PEX10: variants seen among roughly 807,000 people sequenced by gnomAD.
The protein encoded by PEX10 is peroxisomal biogenesis factor 10.
In PEX10, 32 loss-of-function variants were observed where a neutral mutation model predicts 38.0. The observed-to-expected ratio is 0.84, with a 90% CI of 0.63 to 1.13. The LOEUF is 1.13. Among genes scored for constraint, PEX10 ranks in the 50% most tolerant of loss-of-function variants. The pLI is 0.00. For synonymous variants in PEX10, 206 were observed against 207.3 expected, an observed-to-expected ratio of 0.99 and a Z score of 0.05; for missense variants, 483 against 457.7, an observed-to-expected ratio of 1.06 and a Z score of -0.51.
At chr1:2,413,136 C>T (rs962201834), upstream of PEX10, among the ~76,000 whole-genome samples, 4 of 152,194 alleles carry the variant, frequency 2.6e-5, no homozygotes, top group East Asian at 1.9e-4. Flanking sequence ...ACCTTCCAGG[C>T]CCCGAGCAGC....
At chr1:2,407,066 C>A in intron 3 of PEX10, 171 bp from the exon 4 acceptor site, 1 of 866,200 alleles carries the variant, frequency 1.2e-6, no homozygotes, top group South Asian at 1.4e-5. Flanking sequence ...TTCAGGGAGT[C>A]TGAGGTGCCT....
Position 2,405,749 on chromosome 1 carries a change from C to A in PEX10, c.*17G>T, listed in dbSNP as rs774947164. The stretch of plus-strand genomic sequence containing the variant: ...CCCGTAGAGGTCATCTGTGTCCAGG[C>A]CCACCCGGGCGCCGGCTCAGCGGTA... On this transcript the variant is annotated 3_prime_UTR_variant, in exon 6 of 6. Transcript: ENST00000447513. 1 of 1,590,852 alleles carries A rather than the reference C, an allele frequency of 6.3e-7. No individual in the cohort carries two copies. The highest frequency in any genetic ancestry group is 2.3e-5 in the East Asian group (1 of 43,410).
At chr1:2,413,247 C>G (rs1241507833), upstream of PEX10, among the ~76,000 whole-genome samples, 1 of 152,178 alleles carries the variant, frequency 6.6e-6, no homozygotes, top group Non-Finnish European at 1.5e-5. Context: ...GGGGGGCAGC[C>G]GGGAAGCCGC....
At chr1:2,406,139 G>A (rs1260090130) in intron 5 of PEX10, among the ~76,000 whole-genome samples, 11 of 152,242 alleles carry the variant, frequency 7.2e-5, no homozygotes, top group African/African-American at 2.6e-4. Flanking sequence ...TCACCCTGCC[G>A]GCATCTTCGG....
Position 2,408,785 on chromosome 1 carries a change from CGAG to C in PEX10, c.264_266del (p.Ser89del). 1 of 1,614,022 alleles carries C rather than the reference CGAG, an allele frequency of 6.2e-7. No homozygotes were observed. Among genetic ancestry groups the C allele is most frequent in the Non-Finnish European group, 8.5e-7 (1 of 1,179,946 alleles). ...GTGTCACCAGCACGCCACGGCGCAG[CGAG>C]GAGGGCACATGTATCCGCGATGGGT... On this transcript the variant is annotated inframe_deletion, in exon 3 of 6. Transcript: ENST00000447513.
At chr1:2,413,046 C>T (rs1181288335), upstream of PEX10, among the ~76,000 whole-genome samples, 1 of 152,240 alleles carries the variant, frequency 6.6e-6, no homozygotes, top group Non-Finnish European at 1.5e-5. Flanking sequence ...CTTTGAGCTG[C>T]GCGGGCTCTC....
rs1458746161 is a variant in PEX10, at chr1:2,406,464, G to A, written c.912+20C>T. Reference sequence around the variant, plus strand: ...CACAGCCGCTGACCACCCCAGGACGGCAGCAGGCTCCCACCTCACCTTGCT... The same window carrying A: ...CACAGCCGCTGACCACCCCAGGACGACAGCAGGCTCCCACCTCACCTTGCT... On this transcript the variant is annotated intron_variant, in intron 5 of 5. Coordinates refer to ENST00000447513, the MANE Select transcript of PEX10 (RefSeq NM_002617.4). 3 of 1,609,164 alleles carry A rather than the reference G, an allele frequency of 1.9e-6. No homozygotes were observed. Among genetic ancestry groups the A allele is most frequent in the African/African-American group, 1.3e-5 (1 of 74,862 alleles).
In PEX10 at chr1:2,405,343, C is replaced by G; in HGVS notation, c.*423G>C. 1 of 338,338 alleles carries G rather than the reference C, an allele frequency of 3.0e-6. No homozygotes were observed. Among genetic ancestry groups the G allele is most frequent in the South Asian group, 2.4e-5 (1 of 42,254 alleles). The allele number at this position is 338,338 out of a possible 1,614,324, so 21.0% of individuals were successfully genotyped here. ...ACCCGCCAGCCTCCGTGCCCCACCC[C>G]ACCCAGCACGCACTCATTCAGTCCA... On this transcript the variant is annotated 3_prime_UTR_variant, in exon 6 of 6. Coordinates refer to ENST00000447513, the MANE Select transcript of PEX10 (RefSeq NM_002617.4).
At chr1:2,413,431 G>A (rs1295175257), upstream of PEX10, among the ~76,000 whole-genome samples, 1 of 152,252 alleles carries the variant, frequency 6.6e-6, no homozygotes, top group African/African-American at 2.4e-5. Flanking sequence ...ACACCTGGAG[G>A]GGACAGAACC....
chr1:2,410,319 G>T lies in PEX10; in HGVS notation c.193+52C>A, dbSNP rs927222256. 6.6e-7 allele frequency: 1 copy of T among 1,506,414 alleles called. No homozygotes were observed. The highest frequency in any genetic ancestry group is 1.4e-5 in the African/African-American group (1 of 72,852). 93.3% of individuals were successfully genotyped at this position (1,506,414 alleles called of 1,614,324 possible). On this transcript the variant is annotated intron_variant, in intron 2 of 5. Coordinates refer to ENST00000447513, the MANE Select transcript of PEX10 (RefSeq NM_002617.4). The surrounding 1 kb of genome is among the most constrained non-coding windows in gnomAD (Gnocchi z 5.1). The stretch of plus-strand genomic sequence containing the variant: ...GGCAGCCCCCTGGCCACCGTCCCCA[G>T]ACTTGGTGTGTGTGGCTGCCCTCAG...
At position 2,410,142 on chromosome 1, in the gene PEX10, A is replaced by G. The variant is rs1643139749; in HGVS notation, c.193+229T>C. ...TGGGTCTCAGTGGCACCCGGGGTAA[A>G]GTCTTAAACAAAGAACCCCAGGGAC... On this transcript the variant is annotated intron_variant, in intron 2 of 5. Transcript: ENST00000447513. This position sits in a 1 kb window ranked among gnomAD's most constrained non-coding sequence, Gnocchi z 5.1. The G allele has an allele frequency of 3.7e-6, 2 of 542,512 alleles. No homozygotes were observed. The highest frequency in any genetic ancestry group is 3.0e-5 in the Admixed American group (1 of 33,522). 33.6% of individuals were successfully genotyped at this position (542,512 alleles called of 1,614,324 possible). A position where few individuals can be genotyped will look rare whatever the true frequency, so the allele number is the denominator to read the frequency against.
At position 2,412,498 on chromosome 1, in the gene PEX10, G is replaced by A. The variant is rs1557914640; in HGVS notation, c.5C>T (p.Ala2Val). MAPAAASPPEVI... is the reference protein window; with the variant it reads MVPAAASPPEVI... ...CTCCGGGGGGCTGGCGGCGGCCGGG[G>A]CCATGGCCGCGGGTTCGGGTGGTCC... Residue 2 changes from alanine (A) to valine (V), a missense_variant, in exon 1 of 6, where the codon GCC becomes GTC. Physicochemically the swap from Ala to Val is moderately conservative, Grantham distance 64. Transcript: ENST00000447513. 1.2e-5 allele frequency: 16 copies of A among 1,364,232 alleles called. No homozygotes were observed. In the South Asian group the frequency reaches 2.7e-4, roughly 23 times the overall value. The allele number at this position is 1,364,232 out of a possible 1,614,324, so 84.5% of individuals were successfully genotyped here.
At position 2,412,439 on chromosome 1, in the gene PEX10, G is replaced by T; in HGVS notation, c.64C>A (p.Arg22Ser). The change falls in exon 1 of 6, where the codon CGC (arginine) becomes AGC (serine). Residue 22 changes from arginine (R) to serine (S), a missense_variant. Arg to Ser is a moderately radical substitution (Grantham distance 110, BLOSUM62 -1). Transcript: ENST00000447513. ...CCCGCCGCGCTCCGCAGCCCACCGC[G>T]GTAGTACTCGTCCTTCTGCGCCGCG... is the stretch of plus-strand genomic sequence containing the variant. ...IRAAQKDEYY[R>S]GGLRSAAGGA... 7.0e-7 allele frequency: 1 copy of T among 1,430,702 alleles called. No individual in the cohort carries two copies. The highest frequency in any genetic ancestry group is 9.1e-7 in the Non-Finnish European group (1 of 1,096,530). The allele number at this position is 1,430,702 out of a possible 1,614,324, so 88.6% of individuals were successfully genotyped here.
In PEX10 at chr1:2,409,539, TCA is replaced by T. The variant is rs1041011250; in HGVS notation, c.194-683_194-682del. On this transcript the variant is annotated intron_variant, in intron 2 of 5. Coordinates refer to ENST00000447513, the MANE Select transcript of PEX10 (RefSeq NM_002617.4). The surrounding 1 kb of genome is among the most constrained non-coding windows in gnomAD (Gnocchi z 6.2). ...ACCACCACCATCCTGTGGGGGACTG[TCA>T]CAGCCTCTGTAGTCTCCCTGAGCCC... 3.6e-5 allele frequency: 6 copies of T among 165,576 alleles called. No individual in the cohort carries two copies. The highest frequency in any genetic ancestry group is 3.4e-4 in the Admixed American group (6 of 17,890). 10.3% of individuals were successfully genotyped at this position (165,576 alleles called of 1,614,324 possible).
rs984954019 is a variant in PEX10, at chr1:2,409,495, G to A, written c.194-637C>T. On this transcript the variant is annotated intron_variant, in intron 2 of 5. Transcript: ENST00000447513. This position sits in a 1 kb window ranked among gnomAD's most constrained non-coding sequence, Gnocchi z 6.2. ...CCTTCCCTGTGTGTTCCACCCCCTC[G>A]CTGCCGCCCCTGCTCTGTACCACCA... Among the ~76,000 whole-genome samples the A allele has an allele frequency of 5.3e-5, 8 of 152,034 alleles. No homozygotes were observed. The highest frequency in any genetic ancestry group is 9.6e-5 in the African/African-American group (4 of 41,458).
In PEX10 at chr1:2,408,478, C is replaced by T. The variant is rs752730970; in HGVS notation, c.574G>A (p.Ala192Thr). The T allele has an allele frequency of 5.6e-6, 9 of 1,612,996 alleles. No individual in the cohort carries two copies. Among genetic ancestry groups the T allele is most frequent in the Non-Finnish European group, 7.6e-6 (9 of 1,179,994 alleles). Residue 192 changes from alanine (A) to threonine (T), a missense_variant, in exon 3 of 6, where the codon GCC (alanine) becomes ACC (threonine). Transcript: ENST00000447513. ...FYIHGVFYHL[A>T]KRLTGITYLR... The stretch of plus-strand genomic sequence containing the variant: ...TACGTGATCCCCGTGAGCCTCTTGG[C>T]CAGGTGGTAGAAGACACCGTGGATG...
intron 3 of PEX10, among the ~76,000 whole-genome samples, chr1:2,407,621 A>G (rs886313382): frequency 1.3e-5 from 2 of 152,188 alleles, no homozygotes; most frequent in Admixed American, 1.3e-4. Flanking sequence ...CGGGGCAAGA[A>G]ACCACATCAA....
chr1:2,406,041 C>G (rs1041670835), intron 5 of PEX10, among the ~76,000 whole-genome samples: 1 of 152,176 alleles, frequency 6.6e-6, no homozygotes, highest in Non-Finnish European at 1.5e-5. Context: ...GCGTAGGGCT[C>G]AGGGTGTGGG....
At position 2,404,587 on chromosome 1, in the gene PEX10, C is replaced by G. The variant is rs946606377; in HGVS notation, c.*1179G>C. 2.0e-5 allele frequency: 3 copies of G among 152,290 alleles called. No individual in the cohort carries two copies. Among genetic ancestry groups the G allele is most frequent in the African/African-American group, 7.2e-5 (3 of 41,456 alleles). 9.4% of individuals were successfully genotyped at this position (152,290 alleles called of 1,614,324 possible). On this transcript the variant is annotated 3_prime_UTR_variant, in exon 6 of 6. Coordinates refer to ENST00000447513, the MANE Select transcript of PEX10 (RefSeq NM_002617.4). ...AGTCTAGAGGGTCACGGCCCCCCCG[C>G]CCTCCTCCGTCTCTGGCAAGCTGAC...
Sources: allele counts gnomAD v4.1 joint callset (sites outside exome capture counted in the v4.1 genomes callset), GRCh38; gene constraint gnomAD v4.1.1; non-coding constraint Gnocchi (gnomAD v3.1); transcripts MANE v1.5; gene names NCBI Gene and HGNC (gene_info 2026-07-23, HGNC 2026-07-21).